Variants in DCAF17 observed in about 807,000 individuals in gnomAD.
DCAF17 encodes the protein DDB1 and CUL4 associated factor 17.
A neutral mutation model predicts 66.0 loss-of-function variants in DCAF17; 48 were observed. That is an observed-to-expected ratio of 0.73 (90% confidence interval 0.58 to 0.92). The LOEUF (loss-of-function observed/expected upper bound fraction) is 0.92, where lower values mean the gene tolerates loss of function less well. Ranked by LOEUF, DCAF17 falls within the 40% of genes least tolerant of loss-of-function variation. The pLI is 0.00. For missense variants in DCAF17, 562 were observed against 622.8 expected, an observed-to-expected ratio of 0.90 and a Z score of 1.04; for synonymous variants, 206 against 214.6, an observed-to-expected ratio of 0.96 and a Z score of 0.35.
At chr2:171,449,993 C>T in intron 5 of DCAF17, 36 bp downstream of exon 5, 1 of 1,503,020 alleles carries the variant, frequency 6.7e-7, no homozygotes, top group South Asian at 1.1e-5. Flanking sequence ...AATGAAGACT[C>T]TTTTTCATAG....
In DCAF17 at chr2:171,468,904, C is replaced by T. The variant is rs552769867; in HGVS notation, c.855C>T (p.Leu285=). ...NIKITDMPPL[L]FEVSSLENAF... is the part of the protein sequence containing the mutation. ...TCTCTACAGACATGCCACCACTGCT[C>T]TTTGAGGTGTCATCCCTGGAGAATG... The change falls in exon 9 of 14, where the codon CTC becomes CTT. Residue 285 remains leucine, a synonymous_variant. Transcript: ENST00000375255. 1.9e-6 allele frequency: 3 copies of T among 1,614,134 alleles called. No individual in the cohort carries two copies. In the African/African-American group the frequency reaches 4.0e-5, roughly 22 times the overall value.
Position 171,478,141 on chromosome 2 carries a change from C to T in DCAF17, c.1266+71C>T, listed in dbSNP as rs958008750. 2.2e-6 allele frequency: 3 copies of T among 1,365,152 alleles called. No individual in the cohort carries two copies. The African/African-American group carries it at 4.3e-5, about 20-fold the overall frequency. The allele number at this position is 1,365,152 out of a possible 1,614,324, so 84.6% of individuals were successfully genotyped here. Reference sequence around the variant, plus strand: ...CATTGTGAATTTCATATTAATACTTCCCCATATCCTGGGGTAGAGGTTGGG... The same window carrying T: ...CATTGTGAATTTCATATTAATACTTTCCCATATCCTGGGGTAGAGGTTGGG... On this transcript the variant is annotated intron_variant, in intron 12 of 13. Transcript: ENST00000375255.
At chr2:171,453,085 C>CT in intron 5 of DCAF17, 39 bp from the exon 6 acceptor site, 1 of 1,453,758 alleles carries the variant, frequency 6.9e-7, no homozygotes, top group South Asian at 1.2e-5. Context: ...TTCTGAAGTA[C>CT]TTTTGAGAGC....
chr2:171,453,319 A>G (rs1361834543), intron 6 of DCAF17, 106 bp downstream of exon 6: 3 of 844,252 alleles, frequency 3.6e-6, no homozygotes, highest in South Asian at 1.8e-5. Context: ...TCCCCTCACT[A>G]TAAAAAGTTC....
intron 10 of DCAF17, among the ~76,000 whole-genome samples, chr2:171,475,314 C>A (rs1215889359): frequency 6.6e-6 from 1 of 152,146 alleles, no homozygotes; most frequent in Admixed American, 6.5e-5. Context: ...GCACTTAGGG[C>A]AACTTAAATA....
At chr2:171,437,273 G>A (rs948844026) in intron 2 of DCAF17, among the ~76,000 whole-genome samples, 1 of 152,104 alleles carries the variant, frequency 6.6e-6, no homozygotes, top group Non-Finnish European at 1.5e-5. Context: ...TAGGGTATAA[G>A]GTAGGTATCC....
chr2:171,444,818 A>T (rs1020088123), intron 3 of DCAF17, among the ~76,000 whole-genome samples: 6 of 151,550 alleles, frequency 4.0e-5, no homozygotes, highest in African/African-American at 9.7e-5. Context: ...TTTATTGTTA[A>T]TTTTTTTTTC....
At position 171,484,262 on chromosome 2, in the gene DCAF17, C is replaced by A. The variant is rs1419076932; in HGVS notation, c.*3148C>A. The A allele has an allele frequency of 2.2e-6, 1 of 448,256 alleles. No individual in the cohort carries two copies. Among genetic ancestry groups the A allele is most frequent in the Non-Finnish European group, 4.4e-6 (1 of 225,684 alleles). 27.8% of individuals were successfully genotyped at this position (448,256 alleles called of 1,614,324 possible). On this transcript the variant is annotated 3_prime_UTR_variant, in exon 14 of 14. Transcript: ENST00000375255. ...AATCCCAGGGAGCTAATTTCTGGTC[C>A]CTGTGTTGCTATCAAATCTGTATCT...
At chr2:171,437,959 G>A (rs551029145) in intron 2 of DCAF17, among the ~76,000 whole-genome samples, 1 of 152,148 alleles carries the variant, frequency 6.6e-6, no homozygotes. Context: ...CTTAGATTAC[G>A]ATTTGAAGTC....
intron 8 of DCAF17, among the ~76,000 whole-genome samples, chr2:171,468,104 C>T (rs1251813114): frequency 2.0e-5 from 3 of 151,894 alleles, no homozygotes; most frequent in Admixed American, 6.6e-5. Flanking sequence ...ATTGCTATAC[C>T]TTCTATTTAT....
intron 3 of DCAF17, among the ~76,000 whole-genome samples, chr2:171,446,640 TAC>T (rs1388281916): frequency 1.3e-5 from 2 of 152,184 alleles, no homozygotes; most frequent in African/African-American, 4.8e-5. Context: ...GAGATTTATT[TAC>T]AGTCTTAATA....
At chr2:171,446,780 TATCA>T (rs1417847236) in intron 3 of DCAF17, among the ~76,000 whole-genome samples, 17 of 152,330 alleles carry the variant, frequency 1.1e-4, no homozygotes, top group East Asian at 1.9e-4. Flanking sequence ...TAACATTTTT[TATCA>T]ATCCTTTAAT....
chr2:171,474,835 C>T (rs557179037), intron 10 of DCAF17, among the ~76,000 whole-genome samples: 38 of 152,288 alleles, frequency 2.5e-4, no homozygotes, highest in African/African-American at 8.7e-4. Context: ...CCTGTTTCTG[C>T]CCTTGGCCAC....
intron 8 of DCAF17, among the ~76,000 whole-genome samples, chr2:171,463,138 C>G (rs778717106): frequency 6.7e-6 from 1 of 150,312 alleles, no homozygotes; most frequent in Non-Finnish European, 1.5e-5. Context: ...GGCTGAGGCA[C>G]GAGAATCACT....
In DCAF17 at chr2:171,453,184, C is replaced by G. The variant is rs1393900364; in HGVS notation, c.598C>G (p.Leu200Val). The change falls in exon 6 of 14, where the codon CTT becomes GTT. Residue 200 changes from leucine to valine, a missense_variant. Leu to Val is a conservative substitution (Grantham distance 32). Coordinates refer to ENST00000375255, the MANE Select transcript of DCAF17 (RefSeq NM_025000.4). ...AGTGTTCCGAGTTCTACCTTTTTCA[C>G]TTGTAGGGATTCTAGAGATCAACAA... ...LAVFRVLPFS[L>V]VGILEINKKI... The G allele has an allele frequency of 1.2e-6, 2 of 1,612,756 alleles. No homozygotes were observed. The highest frequency in any genetic ancestry group is 4.5e-5 in the East Asian group (2 of 44,816).
chr2:171,446,255 T>G (rs554974149), intron 3 of DCAF17, among the ~76,000 whole-genome samples: 2 of 151,906 alleles, frequency 1.3e-5, no homozygotes, highest in East Asian at 3.9e-4. Flanking sequence ...ATAAGAAATA[T>G]CTAGGAGAGT....
At chr2:171,470,137 C>T (rs1213642246) in intron 9 of DCAF17, among the ~76,000 whole-genome samples, 5 of 152,198 alleles carry the variant, frequency 3.3e-5, no homozygotes, top group Non-Finnish European at 7.4e-5. Flanking sequence ...GATCCTCCCA[C>T]CTCAGCCTCC....
chr2:171,463,378 A>G (rs1434450118), intron 8 of DCAF17, among the ~76,000 whole-genome samples: 1 of 151,970 alleles, frequency 6.6e-6, no homozygotes, highest in Non-Finnish European at 1.5e-5. Context: ...TAAAGTATTC[A>G]TACTCATGTA....
chr2:171,472,967 G>A, intron 9 of DCAF17: 1 of 262,172 alleles, frequency 3.8e-6, no homozygotes, highest in Non-Finnish European at 8.1e-6. Flanking sequence ...TAATACATTT[G>A]TGTACACATG....
Sources: gnomAD v4.1 joint callset for allele counts (sites outside exome capture counted in the v4.1 genomes callset) on GRCh38, gnomAD v4.1.1 for gene constraint, MANE v1.5 for transcripts, NCBI Gene and HGNC (gene_info 2026-07-23, HGNC 2026-07-21) for gene names.